The following PPP1R16B variants were observed in gnomAD, a reference collection of about 807,000 sequenced individuals.
The protein encoded by PPP1R16B is protein phosphatase 1 regulatory inhibitor subunit 16B.
In PPP1R16B, 14 loss-of-function variants were observed where a neutral mutation model predicts 61.7. That is an observed-to-expected ratio of 0.23 (90% CI 0.15 to 0.35). PPP1R16B has a LOEUF of 0.35. PPP1R16B is among the 10% of genes least tolerant of loss of function. The pLI is 1.00. For synonymous variants in PPP1R16B, 266 were observed against 305.3 expected, an observed-to-expected ratio of 0.87 and a Z score of 1.34; for missense variants, 547 against 752.5, an observed-to-expected ratio of 0.73 and a Z score of 3.19.
intron 1 of PPP1R16B, among the ~76,000 whole-genome samples, chr20:38,833,139 T>C (rs932150348): frequency 1.2e-4 from 18 of 152,230 alleles, no homozygotes; most frequent in African/African-American, 4.1e-4. Flanking sequence ...AAACGCACTA[T>C]TGATGCATGC....
At chr20:38,876,854 T>G (rs539236820) in intron 2 of PPP1R16B, among the ~76,000 whole-genome samples, 5 of 152,226 alleles carry the variant, frequency 3.3e-5, no homozygotes, top group African/African-American at 1.2e-4. Flanking sequence ...GTAGTACATA[T>G]GGATTTTAAA....
chr20:38,911,931 A>G (rs1267194309), intron 10 of PPP1R16B, among the ~76,000 whole-genome samples: 2 of 152,134 alleles, frequency 1.3e-5, no homozygotes, highest in Non-Finnish European at 2.9e-5. Context: ...TTTGGTGGAC[A>G]TAAGCACTAT....
At chr20:38,902,599 C>T in intron 5 of PPP1R16B, 69 bp from the exon 6 acceptor site, 1 of 1,598,650 alleles carries the variant, frequency 6.3e-7, no homozygotes, top group African/African-American at 1.3e-5. Flanking sequence ...CCTCCCTCAT[C>T]TGCCTTCCCC....
chr20:38,915,779 C>A (rs1293624972), intron 10 of PPP1R16B, among the ~76,000 whole-genome samples: 1 of 151,990 alleles, frequency 6.6e-6, no homozygotes, highest in Non-Finnish European at 1.5e-5. Context: ...CGTGAGCCAC[C>A]ACGCTCGGCC....
intron 4 of PPP1R16B, among the ~76,000 whole-genome samples, chr20:38,896,979 T>C (rs1396562113): frequency 1.3e-5 from 2 of 152,142 alleles, no homozygotes. Context: ...AAGTCCCATC[T>C]CTACTAAAAA....
intron 2 of PPP1R16B, among the ~76,000 whole-genome samples, chr20:38,855,022 A>T (rs553252680): frequency 6.6e-6 from 1 of 152,258 alleles, no homozygotes; most frequent in South Asian, 2.1e-4. Flanking sequence ...AGCAATTTTC[A>T]TTGGAAGCCA....
chr20:38,875,885 C>T (rs2145748659), intron 2 of PPP1R16B, among the ~76,000 whole-genome samples: 1 of 151,866 alleles, frequency 6.6e-6, no homozygotes, highest in Non-Finnish European at 1.5e-5. Context: ...CCAGGGTTCA[C>T]CTTGGACTTA....
chr20:38,906,846 G>A, intron 7 of PPP1R16B, 133 bp from the exon 8 acceptor site: 1 of 733,564 alleles, frequency 1.4e-6, no homozygotes, highest in Non-Finnish European at 2.4e-6. Flanking sequence ...CTAGTTTGCA[G>A]GCCTTCCCTG....
chr20:38,828,708 C>T (rs1054251293), intron 1 of PPP1R16B, among the ~76,000 whole-genome samples: 1 of 152,184 alleles, frequency 6.6e-6, no homozygotes, highest in Non-Finnish European at 1.5e-5. Context: ...ACTCAGGACA[C>T]GTGCCTAGCC....
At chr20:38,808,640 C>T (rs1304296230) in intron 1 of PPP1R16B, among the ~76,000 whole-genome samples, 1 of 152,180 alleles carries the variant, frequency 6.6e-6, no homozygotes, top group Non-Finnish European at 1.5e-5. Context: ...ATGACTTAAT[C>T]TCTCTGAGTC....
At chr20:38,814,472 T>C (rs890850626) in intron 1 of PPP1R16B, among the ~76,000 whole-genome samples, 1 of 152,154 alleles carries the variant, frequency 6.6e-6, no homozygotes, top group African/African-American at 2.4e-5. Flanking sequence ...AATTTCCCCA[T>C]ATGTAAAACA....
In PPP1R16B at chr20:38,907,686, G is replaced by A; in HGVS notation, c.899-120G>A. 2.2e-6 allele frequency: 3 copies of A among 1,335,784 alleles called. No individual in the cohort carries two copies. The highest frequency in any genetic ancestry group is 3.1e-6 in the Non-Finnish European group (3 of 965,486). 82.7% of individuals were successfully genotyped at this position (1,335,784 alleles called of 1,614,324 possible). On this transcript the variant is annotated intron_variant, in intron 8 of 10. Transcript: ENST00000299824. This position sits in a 1 kb window ranked among gnomAD's most constrained non-coding sequence, Gnocchi z 4.5. ...GCATTGTTTTCTTGCCTCCCTGCAT[G>A]CCCTGAAAGATGCTTGGAGTTTTCA...
At chr20:38,871,302 C>A (rs1020171492) in intron 2 of PPP1R16B, among the ~76,000 whole-genome samples, 1 of 152,034 alleles carries the variant, frequency 6.6e-6, no homozygotes, top group Non-Finnish European at 1.5e-5. Context: ...GAATTTGGCT[C>A]CTTTTGAAAT....
At chr20:38,831,667 C>A (rs2084838228) in intron 1 of PPP1R16B, among the ~76,000 whole-genome samples, 1 of 152,204 alleles carries the variant, frequency 6.6e-6, no homozygotes, top group Non-Finnish European at 1.5e-5. Context: ...GATGGTGATG[C>A]CGTGTGAGCC....
intron 2 of PPP1R16B, among the ~76,000 whole-genome samples, chr20:38,878,439 C>T (rs2085183724): frequency 6.6e-6 from 1 of 152,146 alleles, no homozygotes; most frequent in Non-Finnish European, 1.5e-5. Context: ...CAGCTTGTTG[C>T]CTTTTCCTAA....
chr20:38,841,455 G>C (rs917068444), intron 2 of PPP1R16B, among the ~76,000 whole-genome samples: 4 of 151,720 alleles, frequency 2.6e-5, no homozygotes, highest in African/African-American at 9.7e-5. Context: ...TTGAATCCGG[G>C]AGGTTAAATC....
intron 2 of PPP1R16B, among the ~76,000 whole-genome samples, chr20:38,886,290 G>C (rs188401952): frequency 6.6e-6 from 1 of 152,074 alleles, no homozygotes; most frequent in African/African-American, 2.4e-5. Context: ...CCACCTCTTG[G>C]GCTGAAAATA....
chr20:38,865,578 G>T (rs1453937030), intron 2 of PPP1R16B, among the ~76,000 whole-genome samples: 1 of 152,066 alleles, frequency 6.6e-6, no homozygotes, highest in African/African-American at 2.4e-5. Context: ...GGCGTGAGCC[G>T]CCGCGCCCGG....
intron 10 of PPP1R16B, among the ~76,000 whole-genome samples, chr20:38,910,950 G>A (rs1371305502): frequency 1.3e-5 from 2 of 151,654 alleles, no homozygotes; most frequent in African/African-American, 2.4e-5. Context: ...AGCCAAGATC[G>A]AGCCACTGCA....
Sources: allele counts gnomAD v4.1 joint callset (sites outside exome capture counted in the v4.1 genomes callset), GRCh38; gene constraint gnomAD v4.1.1; non-coding constraint Gnocchi (gnomAD v3.1); transcripts MANE v1.5; gene names NCBI Gene and HGNC (gene_info 2026-07-23, HGNC 2026-07-21).